The following CTNND2 variants were observed in gnomAD, a reference collection of about 807,000 sequenced individuals.
CTNND2 encodes the protein catenin delta 2, also known as catenin delta-2.
In CTNND2, 22 loss-of-function variants were observed where a neutral mutation model predicts 144.4. That is an observed-to-expected ratio of 0.15 (90% CI 0.11 to 0.22). The LOEUF (loss-of-function observed/expected upper bound fraction) is 0.22, where lower values mean the gene tolerates loss of function less well. Among genes scored for constraint, CTNND2 ranks in the 10% least tolerant of loss-of-function variants. CTNND2 has a pLI of 1.00. For missense variants in CTNND2, 1,353 were observed against 1,618.8 expected (o/e 0.84, Z 2.82); for synonymous variants, 751 against 695.6 (o/e 1.08, Z -1.25).
At chr5:11,535,584 T>C (rs563932968) in intron 3 of CTNND2, among the ~76,000 whole-genome samples, 6 of 152,340 alleles carry the variant, frequency 3.9e-5, no homozygotes, top group African/African-American at 7.2e-5. Flanking sequence ...TGAGTATTTA[T>C]AGATTGAAGC....
intron 9 of CTNND2, among the ~76,000 whole-genome samples, chr5:11,338,331 T>C (rs1753920065): frequency 6.6e-6 from 1 of 152,208 alleles, no homozygotes; most frequent in Non-Finnish European, 1.5e-5. Context: ...CAGACCTCTC[T>C]GCAGTCCTCG....
intron 2 of CTNND2, among the ~76,000 whole-genome samples, chr5:11,651,936 T>C (rs1446992915): frequency 2.0e-5 from 3 of 152,202 alleles, no homozygotes; most frequent in Admixed American, 2.0e-4. Context: ...TAGTCTCAGA[T>C]GCGACTTTGG....
chr5:11,840,256 A>C (rs1394181555), intron 1 of CTNND2, among the ~76,000 whole-genome samples: 1 of 152,192 alleles, frequency 6.6e-6, no homozygotes, highest in African/African-American at 2.4e-5. Flanking sequence ...AAACTGGATC[A>C]ACACAAAATC....
intron 2 of CTNND2, among the ~76,000 whole-genome samples, chr5:11,715,159 T>A (rs1476676472): frequency 6.6e-6 from 1 of 152,138 alleles, no homozygotes. Context: ...TAATATCCAA[T>A]ACTCTCTGGA....
chr5:11,190,959 G>A (rs1736179491), intron 11 of CTNND2, among the ~76,000 whole-genome samples: 1 of 152,226 alleles, frequency 6.6e-6, no homozygotes. Context: ...GTGCTGAAAA[G>A]CAAAGTGTCC....
chr5:11,124,888 C>T (rs543279801), intron 12 of CTNND2, among the ~76,000 whole-genome samples: 2 of 152,318 alleles, frequency 1.3e-5, no homozygotes, highest in African/African-American at 4.8e-5. Flanking sequence ...CCTAAACTGT[C>T]TAAAAACATC....
At chr5:11,039,828 G>A (rs895117392) in intron 16 of CTNND2, among the ~76,000 whole-genome samples, 2 of 152,200 alleles carry the variant, frequency 1.3e-5, no homozygotes, top group Non-Finnish European at 2.9e-5. Context: ...TTGGGAGGCC[G>A]AGGCTGGTAG....
chr5:11,763,510 T>C (rs935781484), intron 1 of CTNND2, among the ~76,000 whole-genome samples: 6 of 152,194 alleles, frequency 3.9e-5, no homozygotes, highest in African/African-American at 9.6e-5. Context: ...TGTGCTTCAA[T>C]TGACCAGAGA....
At chr5:11,098,439 T>G in intron 15 of CTNND2, 136 bp downstream of exon 15, 1 of 739,588 alleles carries the variant, frequency 1.4e-6, no homozygotes, top group Non-Finnish European at 2.1e-6. Context: ...AGTAAAACAG[T>G]TCAATATAAT....
At chr5:11,359,288 T>C (rs1756207708) in intron 8 of CTNND2, among the ~76,000 whole-genome samples, 5 of 152,218 alleles carry the variant, frequency 3.3e-5, no homozygotes, top group Admixed American at 3.3e-4. Flanking sequence ...ATTTTCATCA[T>C]GCAAGAGGTA....
At chr5:11,597,522 G>C (rs1314066423) in intron 2 of CTNND2, among the ~76,000 whole-genome samples, 1 of 132,072 alleles carries the variant, frequency 7.6e-6, no homozygotes. Flanking sequence ...CTTACAATTT[G>C]CCTTAGCCAA....
At position 11,370,173 on chromosome 5, in the gene CTNND2, G is replaced by GTTT. The variant is rs77463818; in HGVS notation, c.1178-5286_1178-5284dup. Among the ~76,000 whole-genome samples the GTTT allele has an allele frequency of 5.7e-3, 777 of 137,448 alleles. 9 individuals carry two copies. In the East Asian group the frequency reaches 0.059, roughly 11 times the overall value. The allele number at this position is 137,448 out of a possible 152,430, so 90.2% of individuals were successfully genotyped here. A position where few individuals can be genotyped will look rare whatever the true frequency, so the allele number is the denominator to read the frequency against. ...TGAAAATTCAGCTCCAACTACTTGG[G>GTTT]TTTTTTTTTTTTTTTTACATTTCAA... On this transcript the variant is annotated intron_variant, in intron 7 of 21. Coordinates refer to ENST00000304623, the MANE Select transcript of CTNND2 (RefSeq NM_001332.4).
intron 16 of CTNND2, among the ~76,000 whole-genome samples, chr5:11,031,502 G>T (rs1421123174): frequency 2.6e-5 from 4 of 152,122 alleles, no homozygotes; most frequent in African/African-American, 9.7e-5. Flanking sequence ...ATAGACTCCA[G>T]AGTTTCAAAA....
intron 16 of CTNND2, among the ~76,000 whole-genome samples, chr5:11,028,012 A>T (rs1489682386): frequency 1.3e-5 from 2 of 152,194 alleles, no homozygotes; most frequent in East Asian, 3.9e-4. Context: ...GGTGGCAGGA[A>T]TGTTGAGTGG....
intron 1 of CTNND2, among the ~76,000 whole-genome samples, chr5:11,863,533 G>T (rs1795602773): frequency 1.3e-5 from 2 of 152,104 alleles, no homozygotes; most frequent in African/African-American, 4.8e-5. Flanking sequence ...ATAGATGCTT[G>T]GATATGTGTT....
chr5:11,505,529 A>G (rs773851262), intron 3 of CTNND2, among the ~76,000 whole-genome samples: 1 of 152,190 alleles, frequency 6.6e-6, no homozygotes, highest in Non-Finnish European at 1.5e-5. Flanking sequence ...TCCTCACTCT[A>G]TAAGAACAAG....
intron 9 of CTNND2, among the ~76,000 whole-genome samples, chr5:11,274,603 A>T (rs1231054280): frequency 5.9e-5 from 9 of 152,000 alleles, no homozygotes; most frequent in Admixed American, 5.9e-4. Flanking sequence ...TAAAAAGGCA[A>T]CACCAAAACA....
intron 3 of CTNND2, among the ~76,000 whole-genome samples, chr5:11,484,110 C>T (rs946401931): frequency 2.0e-5 from 3 of 152,208 alleles, no homozygotes; most frequent in African/African-American, 7.2e-5. Flanking sequence ...ATGGCCACTC[C>T]ACATTGCACA....
chr5:11,267,766 A>T (rs1448388639), intron 9 of CTNND2, among the ~76,000 whole-genome samples: 1 of 152,210 alleles, frequency 6.6e-6, no homozygotes, highest in Non-Finnish European at 1.5e-5. Flanking sequence ...GGCTATTCAA[A>T]TAAAGTTCGC....
Sources: gnomAD v4.1 joint callset for allele counts (sites outside exome capture counted in the v4.1 genomes callset) on GRCh38, gnomAD v4.1.1 for gene constraint, MANE v1.5 for transcripts, NCBI Gene and HGNC (gene_info 2026-07-23, HGNC 2026-07-21) for gene names.